The following SCAPER variants were observed in gnomAD, a reference collection of about 807,000 sequenced individuals.
SCAPER encodes S phase cyclin A-associated protein in the endoplasmic reticulum.
A neutral mutation model predicts 182.2 loss-of-function variants in SCAPER; 98 were observed. The ratio of observed to expected loss-of-function variants is 0.54; its 90% CI spans 0.46 to 0.64. The LOEUF (loss-of-function observed/expected upper bound fraction) is 0.64, where lower values mean the gene tolerates loss of function less well. SCAPER is among the 30% of genes least tolerant of loss of function. The probability of loss-of-function intolerance (pLI) is 0.00; values close to 1 mark genes in which losing one functional copy is unlikely to be tolerated. For missense variants in SCAPER, 1,432 were observed against 1,690.0 expected (o/e 0.85, Z 2.68); for synonymous variants, 605 against 564.6 (o/e 1.07, Z -1.01).
intron 26 of SCAPER, among the ~76,000 whole-genome samples, chr15:76,410,613 T>C (rs2045217780): frequency 6.6e-6 from 1 of 152,210 alleles, no homozygotes; most frequent in Non-Finnish European, 1.5e-5. Context: ...CTAATTGTTA[T>C]TGCTATAGTT....
chr15:76,859,517 C>G (rs1038194813), intron 3 of SCAPER, among the ~76,000 whole-genome samples: 4 of 152,108 alleles, frequency 2.6e-5, no homozygotes, highest in Non-Finnish European at 5.9e-5. Flanking sequence ...TGGAATTATC[C>G]TCAGAAACAC....
chr15:76,889,922 T>A (rs937207035), intron 1 of SCAPER, among the ~76,000 whole-genome samples: 1 of 152,186 alleles, frequency 6.6e-6, no homozygotes, highest in South Asian at 2.1e-4. Context: ...TAATTGGAAG[T>A]AAAGCACTCC....
At chr15:76,458,451 C>T (rs1225865063) in intron 25 of SCAPER, among the ~76,000 whole-genome samples, 1 of 151,972 alleles carries the variant, frequency 6.6e-6, no homozygotes, top group Non-Finnish European at 1.5e-5. Flanking sequence ...TACACACACC[C>T]TTTTAGCAGT....
intron 26 of SCAPER, among the ~76,000 whole-genome samples, chr15:76,417,818 G>A (rs1366110058): frequency 6.6e-6 from 1 of 152,156 alleles, no homozygotes; most frequent in Non-Finnish European, 1.5e-5. Flanking sequence ...AAGAGATCGA[G>A]GCCATCCTGG....
intron 4 of SCAPER, among the ~76,000 whole-genome samples, chr15:76,853,167 G>A (rs927903478): frequency 3.9e-5 from 6 of 152,056 alleles, no homozygotes; most frequent in Non-Finnish European, 7.4e-5. Flanking sequence ...AATAAACTCT[G>A]AAATTGAATC....
chr15:76,760,431 C>T (rs763797317), intron 14 of SCAPER, among the ~76,000 whole-genome samples: 2 of 152,208 alleles, frequency 1.3e-5, no homozygotes, highest in Non-Finnish European at 2.9e-5. Flanking sequence ...AGAAGGGACA[C>T]GAAACTTACA....
chr15:76,893,768 G>A (rs925964868), intron 1 of SCAPER, among the ~76,000 whole-genome samples: 1 of 152,044 alleles, frequency 6.6e-6, no homozygotes, highest in Admixed American at 6.6e-5. Context: ...GAAGAAAACT[G>A]GAAAATTCAC....
At chr15:76,495,183 T>C (rs1029802797) in intron 24 of SCAPER, among the ~76,000 whole-genome samples, 1 of 152,084 alleles carries the variant, frequency 6.6e-6, no homozygotes, top group African/African-American at 2.4e-5. Flanking sequence ...CCAGAGCAAT[T>C]TTTTCTTAAT....
intron 21 of SCAPER, among the ~76,000 whole-genome samples, chr15:76,650,979 A>G (rs1162803872): frequency 6.6e-6 from 1 of 152,142 alleles, no homozygotes; most frequent in African/African-American, 2.4e-5. Flanking sequence ...TCAAAATAAT[A>G]CAACATATTA....
At chr15:76,544,679 G>A (rs996075611) in intron 23 of SCAPER, among the ~76,000 whole-genome samples, 2 of 152,134 alleles carry the variant, frequency 1.3e-5, no homozygotes, top group Non-Finnish European at 2.9e-5. Context: ...GAAATGGGGC[G>A]TGACTGGCAA....
At chr15:76,493,412 T>G (rs572296488) in intron 24 of SCAPER, among the ~76,000 whole-genome samples, 65 of 152,338 alleles carry the variant, frequency 4.3e-4, no homozygotes, top group African/African-American at 1.4e-3. Flanking sequence ...ATTTAATTAT[T>G]CCACAGAGAC....
chr15:76,818,362 G>A (rs1376790241), intron 5 of SCAPER, among the ~76,000 whole-genome samples: 1 of 152,024 alleles, frequency 6.6e-6, no homozygotes, highest in African/African-American at 2.4e-5. Context: ...TAACTTGCAG[G>A]GAAAAAACCT....
chr15:76,357,150 TCACACACACACACA>T (rs55912416), intron 29 of SCAPER, among the ~76,000 whole-genome samples: 39 of 128,856 alleles, frequency 3.0e-4, no homozygotes, highest in South Asian at 1.7e-3. Flanking sequence ...TTTATTGACA[TCACACACACACACA>T]CACACACACA....
At chr15:76,610,036 T>A (rs1019148688) in intron 22 of SCAPER, among the ~76,000 whole-genome samples, 1 of 152,204 alleles carries the variant, frequency 6.6e-6, no homozygotes, top group African/African-American at 2.4e-5. Context: ...AAAAACGGAA[T>A]GCTCTGACAT....
At chr15:76,518,385 T>A (rs1362862391) in intron 23 of SCAPER, among the ~76,000 whole-genome samples, 1 of 152,170 alleles carries the variant, frequency 6.6e-6, no homozygotes, top group Non-Finnish European at 1.5e-5. Context: ...ATATATATAT[T>A]TTTTCTTTCC....
intron 5 of SCAPER, among the ~76,000 whole-genome samples, chr15:76,822,507 T>A (rs537516062): frequency 6.6e-6 from 1 of 152,350 alleles, no homozygotes; most frequent in African/African-American, 2.4e-5. Context: ...TGTTACCAAA[T>A]ACAACATTTC....
At chr15:76,729,583 T>A (rs1188341351) in intron 16 of SCAPER, among the ~76,000 whole-genome samples, 1 of 152,138 alleles carries the variant, frequency 6.6e-6, no homozygotes, top group Admixed American at 6.6e-5. Flanking sequence ...AGAGTGGATA[T>A]CGGGTCAGAT....
chr15:76,814,179 T>A (rs1173734233), intron 5 of SCAPER, among the ~76,000 whole-genome samples: 2 of 151,876 alleles, frequency 1.3e-5, no homozygotes, highest in Non-Finnish European at 2.9e-5. Flanking sequence ...AAAAAAAAAA[T>A]TCATACTATC....
chr15:76,599,415 T>G (rs1458329528), intron 22 of SCAPER, among the ~76,000 whole-genome samples: 1 of 121,768 alleles, frequency 8.2e-6, no homozygotes, highest in African/African-American at 2.5e-5. Flanking sequence ...TGCCTAGGTG[T>G]TCACCCAATA....
Sources: gnomAD v4.1 joint callset for allele counts (sites outside exome capture counted in the v4.1 genomes callset) on GRCh38, gnomAD v4.1.1 for gene constraint, MANE v1.5 for transcripts, NCBI Gene and HGNC (gene_info 2026-07-23, HGNC 2026-07-21) for gene names.